Variants in SCN10A observed in about 807,000 individuals in gnomAD.
SCN10A encodes sodium voltage-gated channel alpha subunit 10, also known as sodium channel protein type 10 subunit alpha.
Under a neutral mutation model 170.7 loss-of-function variants are expected in SCN10A, and 162 were observed. That is an observed-to-expected ratio of 0.95 (90% CI 0.84 to 1.08). The LOEUF (loss-of-function observed/expected upper bound fraction) is 1.08, where lower values mean the gene tolerates loss of function less well. Among genes scored for constraint, SCN10A ranks in the 50% least tolerant of loss-of-function variants. The probability of loss-of-function intolerance (pLI) is 0.00; values close to 1 mark genes in which losing one functional copy is unlikely to be tolerated. For missense variants in SCN10A, 2,527 were observed against 2,436.9 expected, an observed-to-expected ratio of 1.04 and a Z score of -0.78; for synonymous variants, 985 against 904.6, an observed-to-expected ratio of 1.09 and a Z score of -1.59.
At chr3:38,795,222 G>T (rs772046878) in intron 1 of SCN10A, among the ~76,000 whole-genome samples, 1 of 152,026 alleles carries the variant, frequency 6.6e-6, no homozygotes, top group Non-Finnish European at 1.5e-5. Context: ...AGTCTTTGAA[G>T]CTTGGATTTT....
chr3:38,792,002 G>T, intron 3 of SCN10A, 48 bp downstream of exon 3: 2 of 1,605,314 alleles, frequency 1.2e-6, no homozygotes, highest in Non-Finnish European at 1.7e-6. Flanking sequence ...GACACAGTAG[G>T]CAAGGTCTAA....
chr3:38,698,538 T>G lies in SCN10A; in HGVS notation c.4682A>C (p.Lys1561Thr). 6.2e-7 allele frequency: 1 copy of G among 1,610,992 alleles called. No homozygotes were observed. Among genetic ancestry groups the G allele is most frequent in the Non-Finnish European group, 8.5e-7 (1 of 1,177,452 alleles). The change falls in exon 28 of 28, where the codon AAG (lysine) becomes ACG (threonine). Residue 1561 changes from lysine to threonine, a missense_variant. Coordinates refer to ENST00000449082, the MANE Select transcript of SCN10A (RefSeq NM_006514.4). Reference protein sequence around the residue: ...IASLIFSAILKSLQSYFSPTL... With the variant: ...IASLIFSAILTSLQSYFSPTL... ...TGGGGAGAAGTAACTTTGAAGTGACTTAAGAATTGCAGAAAAAATCAGGCC... is the reference window on the plus strand; with the variant it reads ...TGGGGAGAAGTAACTTTGAAGTGACGTAAGAATTGCAGAAAAAATCAGGCC...
At chr3:38,713,816 C>T in intron 22 of SCN10A, 142 bp downstream of exon 22, 1 of 905,984 alleles carries the variant, frequency 1.1e-6, no homozygotes, top group Non-Finnish European at 1.6e-6. Context: ...TTAGCAGAGA[C>T]AGGGTTTCGG....
intron 4 of SCN10A, among the ~76,000 whole-genome samples, chr3:38,781,922 T>A (rs1461378440): frequency 2.0e-5 from 3 of 152,090 alleles, no homozygotes; most frequent in Non-Finnish European, 4.4e-5. Context: ...AGAGTTTGTA[T>A]CTTTATCCTA....
chr3:38,808,164 C>T (rs1457799043), intron 1 of SCN10A, among the ~76,000 whole-genome samples: 2 of 151,992 alleles, frequency 1.3e-5, no homozygotes, highest in Non-Finnish European at 2.9e-5. Flanking sequence ...TTCCTTGTTT[C>T]CCCCCTAGTA....
At chr3:38,805,191 G>T (rs149568797) in intron 1 of SCN10A, among the ~76,000 whole-genome samples, 2 of 152,232 alleles carry the variant, frequency 1.3e-5, no homozygotes, top group African/African-American at 4.8e-5. Flanking sequence ...GGCAGAATAA[G>T]GAGCATATTG....
At chr3:38,797,388 A>T (rs775819678) in intron 1 of SCN10A, among the ~76,000 whole-genome samples, 4 of 152,058 alleles carry the variant, frequency 2.6e-5, no homozygotes, top group Non-Finnish European at 4.4e-5. Flanking sequence ...AATGTCCTCC[A>T]TTACTTTCTT....
Position 38,728,599 on chromosome 3 carries a change from G to A in SCN10A, c.2583C>T (p.Gly861=), listed in dbSNP as rs2063481273. 6.2e-7 allele frequency: 1 copy of A among 1,610,940 alleles called. No individual in the cohort carries two copies. Among genetic ancestry groups the A allele is most frequent in the East Asian group, 2.2e-5 (1 of 44,816 alleles). ...AAAGGATGAGGCATATGGATTTTTGGCCAACTTCCATGCAGGCCCACATGT... is the reference window on the plus strand; with the variant it reads ...AAAGGATGAGGCATATGGATTTTTGACCAACTTCCATGCAGGCCCACATGT... ...IENMWACMEV[G]QKSICLILFL... The change falls in exon 16 of 28, where the codon GGC becomes GGT. Residue 861 remains glycine (G), a synonymous_variant. Transcript: ENST00000449082.
At chr3:38,795,723 G>A (rs1048332225) in intron 1 of SCN10A, among the ~76,000 whole-genome samples, 2 of 151,754 alleles carry the variant, frequency 1.3e-5, no homozygotes, top group Non-Finnish European at 2.9e-5. Flanking sequence ...GTGAATAATG[G>A]CACTCTATCT....
In SCN10A at chr3:38,763,546, A is replaced by T; in HGVS notation, c.650T>A (p.Phe217Tyr). The T allele has an allele frequency of 6.2e-7, 1 of 1,614,112 alleles. No individual in the cohort carries two copies. The highest frequency in any genetic ancestry group is 8.5e-7 in the Non-Finnish European group (1 of 1,179,972). Reference sequence around the variant, plus strand: ...TGTTTTTAATGCTCTAAGAACTCTGAATGTCCGCAGGCCTGAGATCCCACG... The same window carrying T: ...TGTTTTTAATGCTCTAAGAACTCTGTATGTCCGCAGGCCTGAGATCCCACG... ...DLRGISGLRT[F>Y]RVLRALKTVS... The change falls in exon 6 of 28, where the codon TTC becomes TAC. Residue 217 changes from phenylalanine (F) to tyrosine (Y), a missense_variant. Coordinates refer to ENST00000449082, the MANE Select transcript of SCN10A (RefSeq NM_006514.4).
At chr3:38,790,768 A>G (rs1346878140) in intron 3 of SCN10A, among the ~76,000 whole-genome samples, 1 of 152,026 alleles carries the variant, frequency 6.6e-6, no homozygotes, top group African/African-American at 2.4e-5. Context: ...TGTCAGTTTC[A>G]TTATCTGTAA....
intron 14 of SCN10A, among the ~76,000 whole-genome samples, chr3:38,740,634 T>C (rs2063621161): frequency 6.6e-6 from 1 of 152,208 alleles, no homozygotes; most frequent in Admixed American, 6.5e-5. Flanking sequence ...TCACCAGCTA[T>C]ACAATTTTGG....
At position 38,787,667 on chromosome 3, in the gene SCN10A, A is replaced by G. The variant is rs553110152; in HGVS notation, c.470+1289T>C. ...TGAATACCCTTTATCAGAGTGATGC[A>G]ATCCCCTTTTTAAAATTATTATACT... is the stretch of plus-strand genomic sequence containing the variant. On this transcript the variant is annotated intron_variant, in intron 4 of 27. Transcript: ENST00000449082. 1.5e-4 allele frequency among the ~76,000 whole-genome samples: 23 copies of G among 152,102 alleles called. No homozygotes were observed. In the South Asian group the frequency reaches 4.6e-3, roughly 30 times the overall value.
intron 4 of SCN10A, among the ~76,000 whole-genome samples, chr3:38,775,702 A>G (rs925473455): frequency 1.3e-5 from 2 of 152,188 alleles, no homozygotes; most frequent in African/African-American, 4.8e-5. Flanking sequence ...GTTTTGTTCA[A>G]CTATAAAATA....
chr3:38,795,380 A>G (rs2064334003), intron 1 of SCN10A, among the ~76,000 whole-genome samples: 1 of 130,978 alleles, frequency 7.6e-6, no homozygotes, highest in Non-Finnish European at 1.6e-5. Flanking sequence ...TATCACTGTC[A>G]CCCGGACTAG....
intron 4 of SCN10A, among the ~76,000 whole-genome samples, chr3:38,780,802 G>A (rs555592945): frequency 6.6e-6 from 1 of 152,078 alleles, no homozygotes; most frequent in Non-Finnish European, 1.5e-5. Context: ...CATCAACAAC[G>A]CATTTGGCCC....
chr3:38,803,125 G>A (rs1252991277), intron 1 of SCN10A, among the ~76,000 whole-genome samples: 2 of 152,144 alleles, frequency 1.3e-5, no homozygotes, highest in East Asian at 1.9e-4. Context: ...AGTTAGAATG[G>A]CAATCATTAA....
In SCN10A at chr3:38,697,704, T is replaced by C. The variant is rs777591347; in HGVS notation, c.5516A>G (p.Tyr1839Cys). 5 of 1,614,080 alleles carry C rather than the reference T, an allele frequency of 3.1e-6. No homozygotes were observed. The highest frequency in any genetic ancestry group is 1.1e-5 in the South Asian group (1 of 91,064). ...FMATNLSKSS[Y>C]EPIATTLRWK... ...TCGGAGAGTGGTTGCTATTGGTTCA[T>C]AGGATGATTTTGAAAGATTAGTTGC... Residue 1839 changes from tyrosine to cysteine, a missense_variant, in exon 28 of 28, where the codon TAT becomes TGT. Tyr to Cys is a radical substitution (Grantham distance 194). Transcript: ENST00000449082.
chr3:38,767,621 T>C lies in SCN10A; in HGVS notation c.599+3658A>G, dbSNP rs186037221. ...GAGAGGATACCTGACATAATTTCTA[T>C]TTTCTTAAATTTATTGAGATTTGTT... On this transcript the variant is annotated intron_variant, in intron 5 of 27. Transcript: ENST00000449082. Among the ~76,000 whole-genome samples, 11 of 152,258 alleles carry C rather than the reference T, an allele frequency of 7.2e-5. No homozygotes were observed. The East Asian group carries it at 2.1e-3, about 29-fold the overall frequency.
Sources: gnomAD v4.1 joint callset for allele counts (sites outside exome capture counted in the v4.1 genomes callset) on GRCh38, gnomAD v4.1.1 for gene constraint, MANE v1.5 for transcripts, NCBI Gene and HGNC (gene_info 2026-07-23, HGNC 2026-07-21) for gene names.